IQSEC1: variants seen among roughly 807,000 people sequenced by gnomAD.
IQSEC1 encodes IQ motif and Sec7 domain ArfGEF 1, also known as IQ motif and SEC7 domain-containing protein 1.
A neutral mutation model predicts 91.0 loss-of-function variants in IQSEC1; 31 were observed. The ratio of observed to expected loss-of-function variants is 0.34; its 90% CI spans 0.26 to 0.46. The LOEUF is 0.46. Ranked by LOEUF, IQSEC1 falls within the 20% of genes least tolerant of loss-of-function variation. The pLI is 1.00. For synonymous variants in IQSEC1, 699 were observed against 662.6 expected (o/e 1.05, Z -0.84); for missense variants, 1,388 against 1,575.6 (o/e 0.88, Z 2.02).
At chr3:13,241,877 A>G (rs1695026934) in intron 1 of IQSEC1, among the ~76,000 whole-genome samples, 1 of 152,248 alleles carries the variant, frequency 6.6e-6, no homozygotes, top group Non-Finnish European at 1.5e-5. Flanking sequence ...TCACAGACGG[A>G]ACGGGAAGAT....
At chr3:12,954,855 G>A (rs1315985360) in intron 1 of IQSEC1, among the ~76,000 whole-genome samples, 3 of 152,228 alleles carry the variant, frequency 2.0e-5, no homozygotes, top group African/African-American at 4.8e-5. Context: ...GTCAGGACAG[G>A]ATGCCCCGCA....
In IQSEC1 at chr3:13,038,283, T is replaced by C. The variant is rs1177090622; in HGVS notation, c.23+34709A>G. Among the ~76,000 whole-genome samples, 8 of 141,946 alleles carry C rather than the reference T, an allele frequency of 5.6e-5. No individual in the cohort carries two copies. In the East Asian group the frequency reaches 1.7e-3, roughly 29 times the overall value. 93.1% of individuals were successfully genotyped at this position (141,946 alleles called of 152,430 possible). A position where few individuals can be genotyped will look rare whatever the true frequency, so the allele number is the denominator to read the frequency against. ...GTGTGTATATATATATATATATATATATATATATATATATAAAATGAAGTA... is the reference window on the plus strand; with the variant it reads ...GTGTGTATATATATATATATATATACATATATATATATATAAAATGAAGTA... On this transcript the variant is annotated intron_variant, in intron 1 of 13. Coordinates refer to ENST00000613206, the MANE Select transcript of IQSEC1 (RefSeq NM_001134382.3).
chr3:12,928,475 G>A (rs1697359905), intron 3 of IQSEC1, among the ~76,000 whole-genome samples: 2 of 152,178 alleles, frequency 1.3e-5, no homozygotes, highest in African/African-American at 4.8e-5. Flanking sequence ...GCTCCAGGGT[G>A]GGGCTGGGAG....
chr3:13,122,117 C>A (rs988132471), intron 2 of IQSEC1, among the ~76,000 whole-genome samples: 4 of 154 alleles, frequency 0.026, no homozygotes, highest in Non-Finnish European at 0.043. Flanking sequence ...AGAGCAATGC[C>A]CACCCCCGAA....
chr3:13,162,949 C>A (rs1707205647), intron 2 of IQSEC1, among the ~76,000 whole-genome samples: 1 of 152,024 alleles, frequency 6.6e-6, no homozygotes, highest in Admixed American at 6.6e-5. Flanking sequence ...AGTGCACCAT[C>A]CCCAGCTAGT....
At chr3:13,104,634 C>G (rs1050908073) in intron 2 of IQSEC1, among the ~76,000 whole-genome samples, 5 of 152,222 alleles carry the variant, frequency 3.3e-5, no homozygotes, top group African/African-American at 9.7e-5. Flanking sequence ...CTCCCTCCCC[C>G]ACCTCTCCCC....
At chr3:13,229,869 C>T (rs921650260) in intron 1 of IQSEC1, among the ~76,000 whole-genome samples, 7 of 152,196 alleles carry the variant, frequency 4.6e-5, no homozygotes, top group African/African-American at 1.7e-4. Context: ...CCTGTCTGTG[C>T]TTGCTTCGGT....
At chr3:13,174,669 G>A (rs1693689602) in intron 1 of IQSEC1, among the ~76,000 whole-genome samples, 1 of 152,134 alleles carries the variant, frequency 6.6e-6, no homozygotes, top group Non-Finnish European at 1.5e-5. Flanking sequence ...AACAGTAGCA[G>A]GTGTGTCCTC....
chr3:13,072,055 G>C (rs1705450644), intron 1 of IQSEC1, among the ~76,000 whole-genome samples: 1 of 152,244 alleles, frequency 6.6e-6, no homozygotes, highest in African/African-American at 2.4e-5. Context: ...CCCCCAGAAG[G>C]CTCCCCACAT....
At chr3:13,279,856 G>A (rs1179369379) in intron 1 of IQSEC1, among the ~76,000 whole-genome samples, 1 of 152,144 alleles carries the variant, frequency 6.6e-6, no homozygotes, top group Non-Finnish European at 1.5e-5. Flanking sequence ...GGAAACCCAT[G>A]CTCAACCCCC....
At chr3:13,105,049 C>T (rs571455618) in intron 2 of IQSEC1, among the ~76,000 whole-genome samples, 1 of 152,328 alleles carries the variant, frequency 6.6e-6, no homozygotes, top group Non-Finnish European at 1.5e-5. Flanking sequence ...ACACATGCTG[C>T]AGGCCAGGGG....
rs558474778 is a variant in IQSEC1 at position 13,180,518 on chromosome 3, C to T, written c.273-16385G>A. ...ACCAATCAACAGGATGTGGGTGGGG[C>T]CAGATAAGAGAATAAAAGCAGGCTG... On this transcript the variant is annotated intron_variant, in intron 1 of 15. Transcript: ENST00000648114. Among the ~76,000 whole-genome samples, 12 of 152,172 alleles carry T rather than the reference C, an allele frequency of 7.9e-5. No homozygotes were observed. In the South Asian group the frequency reaches 2.5e-3, roughly 32 times the overall value.
At chr3:13,014,924 G>T (rs1050594058) in intron 1 of IQSEC1, among the ~76,000 whole-genome samples, 2 of 152,162 alleles carry the variant, frequency 1.3e-5, no homozygotes, top group Admixed American at 6.5e-5. Context: ...TGCCAGATGG[G>T]AAATGGCCCC....
chr3:13,217,733 A>C (rs1464471415), intron 1 of IQSEC1, among the ~76,000 whole-genome samples: 1 of 152,242 alleles, frequency 6.6e-6, no homozygotes, highest in Non-Finnish European at 1.5e-5. Context: ...TTTGAAAAGA[A>C]AATTCACTTT....
chr3:13,261,675 G>T (rs1241214830), intron 1 of IQSEC1, among the ~76,000 whole-genome samples: 1 of 152,066 alleles, frequency 6.6e-6, no homozygotes, highest in Admixed American at 6.5e-5. Context: ...CAGAGCCAGG[G>T]ATGCATGGTC....
intron 2 of IQSEC1, among the ~76,000 whole-genome samples, chr3:13,099,147 G>A (rs983151702): frequency 1.4e-4 from 22 of 152,256 alleles, no homozygotes; most frequent in Middle Eastern, 3.4e-3. Flanking sequence ...AGCCTGTCCC[G>A]CACCTGCCAC....
Position 12,899,392 on chromosome 3 carries a change from A to T in IQSEC1, c.*1591T>A, listed in dbSNP as rs745714782. 6.2e-7 allele frequency: 1 copy of T among 1,612,770 alleles called. No homozygotes were observed. Among genetic ancestry groups the T allele is most frequent in the Admixed American group, 1.7e-5 (1 of 59,996 alleles). On this transcript the variant is annotated 3_prime_UTR_variant, in exon 14 of 14. Transcript: ENST00000613206. ...GGGCAGTCCTCGGGTCCCATGGCTT[A>T]GGAGCACAGCACTGACGGCTGCAGT...
intron 1 of IQSEC1, among the ~76,000 whole-genome samples, chr3:13,036,835 C>T (rs995620757): frequency 5.3e-5 from 8 of 152,202 alleles, no homozygotes; most frequent in African/African-American, 1.2e-4. Flanking sequence ...GTGAAACCTG[C>T]GCATCAGGAG....
chr3:13,131,841 C>T (rs1706626445), intron 2 of IQSEC1, among the ~76,000 whole-genome samples: 1 of 152,152 alleles, frequency 6.6e-6, no homozygotes, highest in South Asian at 2.1e-4. Context: ...TCCATTTTTG[C>T]TCTTTTTCTG....
Sources: gnomAD v4.1 joint callset for allele counts (sites outside exome capture counted in the v4.1 genomes callset) on GRCh38, gnomAD v4.1.1 for gene constraint, MANE v1.5 for transcripts, NCBI Gene and HGNC (gene_info 2026-07-23, HGNC 2026-07-21) for gene names.